The following ARL10 variants were observed in gnomAD, a reference collection of about 807,000 sequenced individuals.
ARL10 encodes ADP-ribosylation factor-like protein 10.
Under a neutral mutation model 26.1 loss-of-function variants are expected in ARL10, and 23 were observed. That is an observed-to-expected ratio of 0.88 (90% CI 0.63 to 1.25). The LOEUF (loss-of-function observed/expected upper bound fraction) is 1.25, where lower values mean the gene tolerates loss of function less well. ARL10 is among the 50% of genes most tolerant of loss of function. The pLI is 0.00. For synonymous variants in ARL10, 138 were observed against 149.1 expected (o/e 0.93, Z 0.54); for missense variants, 300 against 323.6 (o/e 0.93, Z 0.56).
chr5:176,402,107 A>T (rs190692564), downstream of ARL10, among the ~76,000 whole-genome samples: 20 of 152,202 alleles, frequency 1.3e-4, no homozygotes, highest in Non-Finnish European at 2.8e-4. Context: ...GTTCGAGACC[A>T]CCCTGGGCAA....
chr5:176,406,391 G>T (rs1311978122), downstream of ARL10: 30 of 1,150,198 alleles, frequency 2.6e-5, no homozygotes, highest in Non-Finnish European at 2.0e-5. Context: ...GAGAACCTCT[G>T]TGGACCCACA....
At chr5:176,385,287 ATTTCC>A, downstream of ARL10, 1 of 1,613,166 alleles carries the variant, frequency 6.2e-7, no homozygotes, top group Non-Finnish European at 8.5e-7. Flanking sequence ...GAGACAGAGT[ATTTCC>A]TTTCTTTTCT....
At chr5:176,396,280 A>G (rs1266084962) in intron 1 of ARL10, among the ~76,000 whole-genome samples, 4 of 152,112 alleles carry the variant, frequency 2.6e-5, no homozygotes, top group Non-Finnish European at 5.9e-5. Context: ...CAAGGCTCTG[A>G]TTTAGCCAAG....
downstream of ARL10, chr5:176,386,868 C>T (rs1755884289): frequency 1.9e-6 from 3 of 1,614,140 alleles, no homozygotes; most frequent in Non-Finnish European, 2.5e-6. Context: ...TCCGTACAAG[C>T]TCTTTAGGCC....
At chr5:176,371,359 G>T (rs1208986343) in intron 3 of ARL10, among the ~76,000 whole-genome samples, 1 of 152,192 alleles carries the variant, frequency 6.6e-6, no homozygotes, top group African/African-American at 2.4e-5. Flanking sequence ...CTCCAGCCTG[G>T]GTGACAGAGC....
At chr5:176,399,990 G>A (rs1020186191) in intron 1 of ARL10, among the ~76,000 whole-genome samples, 17 of 152,086 alleles carry the variant, frequency 1.1e-4, no homozygotes, top group African/African-American at 3.9e-4. Context: ...TCAGGAGTTC[G>A]AGACCAGCCT....
rs1254544348 is a variant in ARL10 at position 176,381,820 on chromosome 5, ATCTG to A, written c.*9930_*9933del. The A allele has an allele frequency of 1.3e-4, 20 of 152,214 alleles. No individual in the cohort carries two copies. Among genetic ancestry groups the A allele is most frequent in the East Asian group, 5.8e-4 (3 of 5,198 alleles). 9.4% of individuals were successfully genotyped at this position (152,214 alleles called of 1,614,324 possible). The stretch of plus-strand genomic sequence containing the variant: ...TGGGGTCCCTTTTTACCTAATGAAG[ATCTG>A]TCTGAGTCTAATGAATATATTGTAC... On this transcript the variant is annotated 3_prime_UTR_variant, in exon 4 of 4. Coordinates refer to ENST00000310389, the MANE Select transcript of ARL10 (RefSeq NM_173664.6).
At chr5:176,408,616 C>G in the ARL10 span, among the ~76,000 whole-genome samples, 1 of 152,018 alleles carries the variant, frequency 6.6e-6, no homozygotes. Context: ...ACCTCCCCAG[C>G]TCAAGCTGTA....
At chr5:176,384,539 C>A (rs1449740368), downstream of ARL10, 4 of 685,378 alleles carry the variant, frequency 5.8e-6, no homozygotes, top group Admixed American at 1.2e-4. Context: ...GTAATCCCAA[C>A]ACTCTGGGAG....
At position 176,366,405 on chromosome 5, in the gene ARL10, C is replaced by CGGCGCTGGAGGAGCT. The variant is rs1470443065; in HGVS notation, c.212_226dup (p.Ala71_Leu75dup). The CGGCGCTGGAGGAGCT allele has an allele frequency of 1.2e-6, 2 of 1,610,882 alleles. No individual in the cohort carries two copies. Among genetic ancestry groups the CGGCGCTGGAGGAGCT allele is most frequent in the African/African-American group, 2.7e-5 (2 of 74,878 alleles). On this transcript the variant is annotated inframe_insertion, in exon 2 of 4. Coordinates refer to ENST00000310389, the MANE Select transcript of ARL10 (RefSeq NM_173664.6). ...CCCGAGGACGAGGAGGACGAGGAGCCGGCGCTGGAGGAGCTGGAACAGCGC... is the reference window on the plus strand; with the variant it reads ...CCCGAGGACGAGGAGGACGAGGAGCCGGCGCTGGAGGAGCTGGCGCTGGAGGAGCTGGAACAGCGC...
rs1389825231 is a variant in ARL10, at chr5:176,372,789, T to C, written c.*894T>C. On this transcript the variant is annotated 3_prime_UTR_variant, in exon 4 of 4. Coordinates refer to ENST00000310389, the MANE Select transcript of ARL10 (RefSeq NM_173664.6). ...TGGAGCTAGGTGTTGACCTCAGAACTGCATTTTATTTATTAATTTATAAGC... is the reference window on the plus strand; with the variant it reads ...TGGAGCTAGGTGTTGACCTCAGAACCGCATTTTATTTATTAATTTATAAGC... 1 of 397,938 alleles carries C rather than the reference T, an allele frequency of 2.5e-6. No homozygotes were observed. The highest frequency in any genetic ancestry group is 3.6e-5 in the East Asian group (1 of 28,060). The allele number at this position is 397,938 out of a possible 1,614,324, so 24.7% of individuals were successfully genotyped here.
downstream of ARL10, chr5:176,383,911 G>C (rs1355094647): frequency 7.0e-7 from 1 of 1,437,630 alleles, no homozygotes; most frequent in Non-Finnish European, 9.2e-7. Context: ...CCAGGGTTTG[G>C]CTGAGAGCAG....
At chr5:176,411,672 A>C in the ARL10 span, among the ~76,000 whole-genome samples, 80 of 152,182 alleles carry the variant, frequency 5.3e-4, no homozygotes, top group Non-Finnish European at 1.0e-3. Flanking sequence ...AGGCCCACCT[A>C]CAACAGTCCC....
chr5:176,407,816 G>A, the ARL10 span, among the ~76,000 whole-genome samples: 2 of 152,178 alleles, frequency 1.3e-5, no homozygotes, highest in South Asian at 4.1e-4. Context: ...TCCTAGAGAT[G>A]GACTTTTCCA....
chr5:176,365,613 C>A lies in ARL10; in HGVS notation c.50C>A (p.Ala17Glu), dbSNP rs921064191. 1.6e-6 allele frequency: 2 copies of A among 1,258,120 alleles called. No individual in the cohort carries two copies. The highest frequency in any genetic ancestry group is 3.1e-5 in the East Asian group (1 of 32,006). 77.9% of individuals were successfully genotyped at this position (1,258,120 alleles called of 1,614,324 possible). Residue 17 changes from alanine (A) to glutamate (E), a missense_variant, in exon 1 of 4, where the codon GCG (alanine) becomes GAG (glutamate). Transcript: ENST00000310389. ...GPLVLALGGA[A>E]AVLGSVLFIL... ...TTGGTGCTGGCGCTGGGCGGCGCCG[C>A]GGCGGTGCTGGGCTCGGTGCTCTTC... is the stretch of plus-strand genomic sequence containing the variant.
intron 1 of ARL10, among the ~76,000 whole-genome samples, chr5:176,387,323 G>C (rs984752189): frequency 4.6e-5 from 7 of 152,168 alleles, no homozygotes; most frequent in Admixed American, 4.6e-4. Context: ...CAAGTAATCC[G>C]TCTGTGCCTT....
At chr5:176,412,162 T>C in the ARL10 span, among the ~76,000 whole-genome samples, 17 of 134,494 alleles carry the variant, frequency 1.3e-4, no homozygotes, top group East Asian at 1.3e-3. Context: ...GGCGACAGAG[T>C]GAGACTCATC....
rs70991543 is a variant in ARL10 at position 176,375,255 on chromosome 5, TCCATCCAC to T, written c.*3376_*3383del. 8.2e-5 allele frequency: 11 copies of T among 134,020 alleles called. No homozygotes were observed. Among genetic ancestry groups the T allele is most frequent in the Admixed American group, 2.3e-4 (3 of 13,152 alleles). 8.3% of individuals were successfully genotyped at this position (134,020 alleles called of 1,614,324 possible). ...ATCCATCCATCCATCCATCCTTCCA[TCCATCCAC>T]CCATCCACCCATCCATCCATCCACC... On this transcript the variant is annotated 3_prime_UTR_variant, in exon 4 of 4. Coordinates refer to ENST00000310389, the MANE Select transcript of ARL10 (RefSeq NM_173664.6).
At chr5:176,388,366 C>T (rs998458269) in exon 2 of ARL10, 1 of 1,613,038 alleles carries the variant, frequency 6.2e-7, no homozygotes, top group Non-Finnish European at 8.5e-7. Flanking sequence ...AGAGACATCG[C>T]GGATCCGTCA....
Sources: allele counts gnomAD v4.1 joint callset (sites outside exome capture counted in the v4.1 genomes callset), GRCh38; gene constraint gnomAD v4.1.1; transcripts MANE v1.5; gene names NCBI Gene and HGNC (gene_info 2026-07-23, HGNC 2026-07-21).